LGSN: variants seen among roughly 807,000 people sequenced by gnomAD.
The protein encoded by LGSN is lengsin.
LGSN carries 21 observed loss-of-function variants against 19.5 expected under a neutral mutation model. The observed-to-expected ratio is 1.07, with a 90% CI of 0.76 to 1.55. The LOEUF (loss-of-function observed/expected upper bound fraction) is 1.55, where lower values mean the gene tolerates loss of function less well. LGSN is among the 40% of genes most tolerant of loss of function. The pLI, the probability that LGSN is intolerant of heterozygous loss-of-function variation, is 0.00. For missense variants in LGSN, 673 were observed against 608.5 expected (o/e 1.11, Z -1.12); for synonymous variants, 257 against 215.6 (o/e 1.19, Z -1.68).
chr6:63,443,940 C>A, the LGSN span, among the ~76,000 whole-genome samples: 2 of 148,416 alleles, frequency 1.3e-5, no homozygotes, highest in East Asian at 2.0e-4. Flanking sequence ...TGTCATGAGA[C>A]CTTTATGAAA....
chr6:63,282,513 GA>G (rs1767360938), intron 3 of LGSN, among the ~76,000 whole-genome samples: 1 of 152,094 alleles, frequency 6.6e-6, no homozygotes, highest in South Asian at 2.1e-4. Flanking sequence ...TTACATGGTG[GA>G]AGGAAGCCAG....
the LGSN span, among the ~76,000 whole-genome samples, chr6:63,516,472 G>A: frequency 6.6e-6 from 1 of 152,164 alleles, no homozygotes; most frequent in African/African-American, 2.4e-5. Flanking sequence ...TGAGAGCTCT[G>A]AAGTTTGAAT....
the LGSN span, chr6:63,550,508 C>T: frequency 6.6e-6 from 1 of 152,140 alleles, no homozygotes; most frequent in Non-Finnish European, 1.5e-5. Flanking sequence ...GTAGGCCACA[C>T]CAACTTTCAT....
chr6:63,364,474 C>G, the LGSN span, among the ~76,000 whole-genome samples: 1 of 152,176 alleles, frequency 6.6e-6, no homozygotes, highest in Non-Finnish European at 1.5e-5. Flanking sequence ...TAGACTCCCA[C>G]ACAATAATAA....
chr6:63,493,664 T>C, the LGSN span, among the ~76,000 whole-genome samples: 8 of 151,416 alleles, frequency 5.3e-5, no homozygotes, highest in Admixed American at 3.3e-4. Context: ...GTACCATGAC[T>C]ATAGATTCCT....
At chr6:63,361,564 C>A in the LGSN span, among the ~76,000 whole-genome samples, 9 of 152,318 alleles carry the variant, frequency 5.9e-5, no homozygotes, top group Admixed American at 5.2e-4. Context: ...CACACCTTTC[C>A]TTGGCTAGGA....
chr6:63,501,465 G>T, the LGSN span, among the ~76,000 whole-genome samples: 2 of 151,758 alleles, frequency 1.3e-5, no homozygotes, highest in Non-Finnish European at 2.9e-5. Context: ...TCTATTTTGA[G>T]ACTATAAAGC....
chr6:63,521,714 A>G, the LGSN span: 1 of 152,190 alleles, frequency 6.6e-6, no homozygotes, highest in South Asian at 2.1e-4. Flanking sequence ...ATTAACAGAT[A>G]GACTTAAGCT....
At chr6:63,468,947 C>T in the LGSN span, among the ~76,000 whole-genome samples, 6 of 151,960 alleles carry the variant, frequency 3.9e-5, no homozygotes, top group African/African-American at 9.7e-5. Context: ...TGGGGTTTCA[C>T]CATGTTGGAC....
At chr6:63,283,785 C>G (rs1329277116) in intron 3 of LGSN, among the ~76,000 whole-genome samples, 3 of 152,084 alleles carry the variant, frequency 2.0e-5, no homozygotes, top group Admixed American at 6.5e-5. Context: ...ACTGCAACCT[C>G]CGCCTTCCGG....
At position 63,277,911 on chromosome 6, in the gene LGSN, C is replaced by A. The variant is rs1173194868; in HGVS notation, c.*2110G>T. 1 of 151,930 alleles carries A rather than the reference C, an allele frequency of 6.6e-6. No homozygotes were observed. The highest frequency in any genetic ancestry group is 1.5e-5 in the Non-Finnish European group (1 of 68,040). The allele number at this position is 151,930 out of a possible 1,614,324, so 9.4% of individuals were successfully genotyped here. A position where few individuals can be genotyped will look rare whatever the true frequency, so the allele number is the denominator to read the frequency against. ...ACCAGACTGGCCAATATGGTGAAACCCCATCTCTACTAAAAGGCCAGGCAT... is the reference window on the plus strand; with the variant it reads ...ACCAGACTGGCCAATATGGTGAAACACCATCTCTACTAAAAGGCCAGGCAT... On this transcript the variant is annotated 3_prime_UTR_variant, in exon 4 of 4. Transcript: ENST00000370657.
chr6:63,367,480 T>G, the LGSN span, among the ~76,000 whole-genome samples: 4 of 152,036 alleles, frequency 2.6e-5, no homozygotes, highest in Non-Finnish European at 1.5e-5. Flanking sequence ...GGAAAGCTTT[T>G]ACACTGTTGG....
the LGSN span, among the ~76,000 whole-genome samples, chr6:63,366,248 A>T: frequency 2.6e-5 from 4 of 152,260 alleles, no homozygotes; most frequent in Non-Finnish European, 5.9e-5. Flanking sequence ...AAGTCTCAGC[A>T]TACAAAATCA....
chr6:63,501,470 T>C, the LGSN span, among the ~76,000 whole-genome samples: 1 of 151,964 alleles, frequency 6.6e-6, no homozygotes, highest in Non-Finnish European at 1.5e-5. Flanking sequence ...TTTGAGACTA[T>C]AAAGCAACAA....
At chr6:63,433,526 T>C in the LGSN span, among the ~76,000 whole-genome samples, 2 of 152,188 alleles carry the variant, frequency 1.3e-5, no homozygotes, top group African/African-American at 4.8e-5. Flanking sequence ...ATCTTTCTCA[T>C]TGAATATCTG....
intron 2 of LGSN, among the ~76,000 whole-genome samples, chr6:63,290,880 A>G (rs1164621767): frequency 1.3e-5 from 2 of 151,458 alleles, no homozygotes; most frequent in Non-Finnish European, 2.9e-5. Flanking sequence ...GACCAGAACC[A>G]CTCCCTATGT....
chr6:63,345,362 T>C, the LGSN span, among the ~76,000 whole-genome samples: 1 of 152,230 alleles, frequency 6.6e-6, no homozygotes, highest in African/African-American at 2.4e-5. Context: ...TTGGGTTCAT[T>C]TGGGAATAAC....
chr6:63,450,940 G>T, the LGSN span, among the ~76,000 whole-genome samples: 1 of 152,124 alleles, frequency 6.6e-6, no homozygotes, highest in Non-Finnish European at 1.5e-5. Flanking sequence ...CTCCCAAAGT[G>T]CTAGGATTAC....
chr6:63,287,655 C>T (rs745807558), intron 2 of LGSN, among the ~76,000 whole-genome samples: 28 of 151,898 alleles, frequency 1.8e-4, no homozygotes, highest in Admixed American at 1.2e-3. Context: ...TTGCAGTGAG[C>T]AAAGATCGCG....
Sources: allele counts gnomAD v4.1 joint callset (sites outside exome capture counted in the v4.1 genomes callset), GRCh38; gene constraint gnomAD v4.1.1; transcripts MANE v1.5; gene names NCBI Gene and HGNC (gene_info 2026-07-23, HGNC 2026-07-21).